Variants in GALNT1 observed in about 807,000 individuals in gnomAD.
The protein encoded by GALNT1 is GalNAc transferase 1.
A neutral mutation model predicts 65.7 loss-of-function variants in GALNT1; 17 were observed. The observed-to-expected ratio is 0.26, with a 90% CI of 0.18 to 0.39. GALNT1 has a LOEUF of 0.39. Among genes scored for constraint, GALNT1 ranks in the 10% least tolerant of loss-of-function variants. The pLI is 1.00. For synonymous variants in GALNT1, 210 were observed against 219.7 expected, an observed-to-expected ratio of 0.96 and a Z score of 0.39; for missense variants, 460 against 672.8, an observed-to-expected ratio of 0.68 and a Z score of 3.50.
chr18:35,639,426 G>T (rs745977991), intron 1 of GALNT1, among the ~76,000 whole-genome samples: 1 of 152,102 alleles, frequency 6.6e-6, no homozygotes, highest in Non-Finnish European at 1.5e-5. Flanking sequence ...ATGCTGTTGC[G>T]TACACACTGC....
intron 1 of GALNT1, among the ~76,000 whole-genome samples, chr18:35,650,844 A>G (rs557218485): frequency 6.6e-6 from 1 of 152,270 alleles, no homozygotes; most frequent in South Asian, 2.1e-4. Context: ...TAACACAACC[A>G]TCACAGGGTC....
At chr18:35,627,955 G>A (rs568593292) in intron 1 of GALNT1, among the ~76,000 whole-genome samples, 10 of 132,342 alleles carry the variant, frequency 7.6e-5, no homozygotes, top group East Asian at 6.0e-4. Flanking sequence ...CTACGCCCAC[G>A]GAGCCTCGCT....
chr18:35,592,864 C>G (rs1017382909), intron 1 of GALNT1, among the ~76,000 whole-genome samples: 7 of 152,222 alleles, frequency 4.6e-5, no homozygotes, highest in African/African-American at 1.7e-4. Context: ...CATGTTACCC[C>G]TCTCTGTTTA....
chr18:35,662,306 A>G (rs549608583), intron 2 of GALNT1, among the ~76,000 whole-genome samples: 1 of 152,358 alleles, frequency 6.6e-6, no homozygotes, highest in African/African-American at 2.4e-5. Flanking sequence ...TGAGTTTCCT[A>G]TAATTTTTAA....
At chr18:35,664,172 A>G (rs959729322) in intron 3 of GALNT1, 1 of 219,024 alleles carries the variant, frequency 4.6e-6, no homozygotes, top group African/African-American at 2.4e-5. Context: ...TTTGCTATGT[A>G]TACACCTGTG....
chr18:35,617,278 A>G (rs2046795514), intron 1 of GALNT1, among the ~76,000 whole-genome samples: 1 of 152,186 alleles, frequency 6.6e-6, no homozygotes, highest in Non-Finnish European at 1.5e-5. Flanking sequence ...ATAGTAGGGC[A>G]GTTAACAAAT....
intron 1 of GALNT1, among the ~76,000 whole-genome samples, chr18:35,584,083 G>T (rs1447722857): frequency 6.6e-6 from 1 of 152,192 alleles, no homozygotes; most frequent in Non-Finnish European, 1.5e-5. Flanking sequence ...TTGACATCAT[G>T]TTTCTTTAAT....
intron 1 of GALNT1, among the ~76,000 whole-genome samples, chr18:35,631,124 A>G (rs958126545): frequency 1.3e-5 from 2 of 152,374 alleles, no homozygotes; most frequent in Middle Eastern, 3.4e-3. Context: ...TACCAGAGGT[A>G]CAAGGAGGAG....
At chr18:35,676,158 G>A (rs2047707267) in intron 3 of GALNT1, among the ~76,000 whole-genome samples, 1 of 152,152 alleles carries the variant, frequency 6.6e-6, no homozygotes, top group Admixed American at 6.5e-5. Context: ...GGGCCTTCTT[G>A]TGGTGGTTAG....
chr18:35,672,943 G>A (rs1160408856), intron 3 of GALNT1, among the ~76,000 whole-genome samples: 1 of 152,154 alleles, frequency 6.6e-6, no homozygotes, highest in Non-Finnish European at 1.5e-5. Context: ...GAAATTAAAT[G>A]ATTTGTCCAA....
At chr18:35,662,283 A>G (rs958696302) in intron 2 of GALNT1, among the ~76,000 whole-genome samples, 3 of 152,238 alleles carry the variant, frequency 2.0e-5, no homozygotes, top group African/African-American at 7.2e-5. Context: ...TTGTTTTTAA[A>G]AACTATGTTA....
intron 1 of GALNT1, among the ~76,000 whole-genome samples, chr18:35,639,416 A>G (rs548901741): frequency 6.6e-6 from 1 of 152,290 alleles, no homozygotes; most frequent in African/African-American, 2.4e-5. Flanking sequence ...TTTAAAGACA[A>G]TGCTGTTGCG....
chr18:35,610,018 A>C (rs1363690318), intron 1 of GALNT1, among the ~76,000 whole-genome samples: 1 of 152,230 alleles, frequency 6.6e-6, no homozygotes, highest in Non-Finnish European at 1.5e-5. Flanking sequence ...TGGAACCATG[A>C]AGATACACTT....
chr18:35,654,938 A>G (rs1598796756), intron 2 of GALNT1, 137 bp downstream of exon 2: 1 of 541,800 alleles, frequency 1.8e-6, no homozygotes, highest in East Asian at 3.8e-5. Context: ...TGAGGATCAT[A>G]TTGATAGTTC....
chr18:35,594,998 C>T (rs959991677), intron 1 of GALNT1, among the ~76,000 whole-genome samples: 1 of 152,168 alleles, frequency 6.6e-6, no homozygotes, highest in African/African-American at 2.4e-5. Context: ...GATGGTAACT[C>T]TAGTGTTGAA....
chr18:35,648,682 T>C (rs2047269369), intron 1 of GALNT1, among the ~76,000 whole-genome samples: 1 of 152,224 alleles, frequency 6.6e-6, no homozygotes, highest in South Asian at 2.1e-4. Flanking sequence ...TCTCTCTTTG[T>C]AAAACTGGCA....
chr18:35,708,492 A>C (rs976665072), intron 11 of GALNT1, among the ~76,000 whole-genome samples: 12 of 152,262 alleles, frequency 7.9e-5, no homozygotes, highest in African/African-American at 2.9e-4. Context: ...AAAAGGCCTC[A>C]TGAAAATGAA....
chr18:35,685,042 C>G (rs535939759), intron 5 of GALNT1, among the ~76,000 whole-genome samples: 1 of 152,126 alleles, frequency 6.6e-6, no homozygotes, highest in Non-Finnish European at 1.5e-5. Context: ...ACAAATCTCC[C>G]CTAAGAATTT....
chr18:35,687,272 A>G (rs1857510028), intron 6 of GALNT1, 86 bp downstream of exon 6: 3 of 1,320,232 alleles, frequency 2.3e-6, no homozygotes, highest in Non-Finnish European at 3.2e-6. Context: ...GGATAAGTGT[A>G]TTTTGAGAAA....
Sources: gnomAD v4.1 joint callset for allele counts (sites outside exome capture counted in the v4.1 genomes callset) on GRCh38, gnomAD v4.1.1 for gene constraint, MANE v1.5 for transcripts, NCBI Gene and HGNC (gene_info 2026-07-23, HGNC 2026-07-21) for gene names.